Variants in PPM1L observed in about 807,000 individuals in gnomAD.
The protein encoded by PPM1L is protein phosphatase 1L.
Under a neutral mutation model 31.4 loss-of-function variants are expected in PPM1L, and 13 were observed. The observed-to-expected ratio is 0.41, with a 90% CI of 0.27 to 0.66. The LOEUF (loss-of-function observed/expected upper bound fraction) is 0.66. PPM1L is among the 30% of genes least tolerant of loss of function. The pLI is 0.29. For synonymous variants in PPM1L, 184 were observed against 175.4 expected, an observed-to-expected ratio of 1.05 and a Z score of -0.39; for missense variants, 326 against 453.7, an observed-to-expected ratio of 0.72 and a Z score of 2.56.
chr3:161,002,166 C>A (rs1388298176), intron 2 of PPM1L, among the ~76,000 whole-genome samples: 1 of 152,194 alleles, frequency 6.6e-6, no homozygotes, highest in Non-Finnish European at 1.5e-5. Flanking sequence ...ACGACGTGAA[C>A]TCATCATTTT....
At chr3:160,914,619 T>A (rs1714093126) in intron 1 of PPM1L, among the ~76,000 whole-genome samples, 1 of 152,126 alleles carries the variant, frequency 6.6e-6, no homozygotes, top group Non-Finnish European at 1.5e-5. Flanking sequence ...GGACATGAAC[T>A]CATCATTTTT....
chr3:160,842,075 A>G (rs915580526), intron 1 of PPM1L: 16 of 515,846 alleles, frequency 3.1e-5, no homozygotes, highest in African/African-American at 3.1e-4. Flanking sequence ...AGAGTTTATG[A>G]TGAGCCCCAG....
intron 1 of PPM1L, among the ~76,000 whole-genome samples, chr3:160,786,300 C>T (rs1711932799): frequency 6.9e-6 from 1 of 145,802 alleles, no homozygotes; most frequent in African/African-American, 2.5e-5. Flanking sequence ...TCACTGCAAC[C>T]TCTGCCTCTC....
At chr3:160,799,979 G>A (rs1712376067) in intron 1 of PPM1L, among the ~76,000 whole-genome samples, 1 of 152,062 alleles carries the variant, frequency 6.6e-6, no homozygotes. Context: ...TGTACCCTCA[G>A]TGCCTAGGAC....
intron 2 of PPM1L, among the ~76,000 whole-genome samples, chr3:161,059,377 C>T (rs561301368): frequency 5.3e-5 from 8 of 152,098 alleles, no homozygotes; most frequent in Non-Finnish European, 8.8e-5. Flanking sequence ...GGAGGGTCAT[C>T]GTGTTTTCAT....
rs559709235 is a variant in PPM1L, at chr3:160,849,667, G to A, written c.399+92960G>A. 3.6e-4 allele frequency among the ~76,000 whole-genome samples: 53 copies of A among 146,392 alleles called. 1 individual carries two copies. The South Asian group carries it at 8.7e-3, about 24-fold the overall frequency. ...TCTCGATCTCCTGACCTTGTGATCC[G>A]CCCGCCTCAGCCTCCCGAGTATCTG... On this transcript the variant is annotated intron_variant, in intron 1 of 3. Coordinates refer to ENST00000498165, the MANE Select transcript of PPM1L (RefSeq NM_139245.4).
At chr3:160,982,693 T>C (rs1261095355) in intron 2 of PPM1L, among the ~76,000 whole-genome samples, 1 of 152,150 alleles carries the variant, frequency 6.6e-6, no homozygotes, top group East Asian at 1.9e-4. Flanking sequence ...GCAGCAAAAA[T>C]GAGGAAGTCA....
chr3:160,989,668 T>G (rs971142353), intron 2 of PPM1L, among the ~76,000 whole-genome samples: 1 of 152,054 alleles, frequency 6.6e-6, no homozygotes, highest in African/African-American at 2.4e-5. Context: ...AGCCTATTTA[T>G]TAATTTTTAG....
At chr3:160,991,082 A>G (rs1161835247) in intron 2 of PPM1L, among the ~76,000 whole-genome samples, 1 of 149,936 alleles carries the variant, frequency 6.7e-6, no homozygotes, top group African/African-American at 2.4e-5. Flanking sequence ...GATGAGCTAA[A>G]AAAAAAAAAA....
At chr3:160,876,487 A>G (rs1274200248) in intron 1 of PPM1L, among the ~76,000 whole-genome samples, 1 of 152,210 alleles carries the variant, frequency 6.6e-6, no homozygotes, top group East Asian at 1.9e-4. Context: ...TAGATAATTT[A>G]TAGTAGAAAA....
At chr3:160,887,667 A>G (rs6799779) in intron 1 of PPM1L, among the ~76,000 whole-genome samples, 112,797 of 149,660 alleles carry the variant, frequency 0.75, 42,719 homozygotes, top group Middle Eastern at 0.84. Context: ...TGCAAGCTCC[A>G]CCTCCCAGGT....
intron 2 of PPM1L, among the ~76,000 whole-genome samples, chr3:161,005,231 T>C (rs910930766): frequency 6.6e-6 from 1 of 152,226 alleles, no homozygotes; most frequent in Non-Finnish European, 1.5e-5. Flanking sequence ...AGTGAGATTC[T>C]TAATCCTGAG....
chr3:160,852,459 T>G (rs1440527979), intron 1 of PPM1L, among the ~76,000 whole-genome samples: 1 of 152,170 alleles, frequency 6.6e-6, no homozygotes, highest in Non-Finnish European at 1.5e-5. Context: ...CTTTCCCCCT[T>G]TTTATTGTTT....
intron 1 of PPM1L, among the ~76,000 whole-genome samples, chr3:160,855,722 C>T (rs962892583): frequency 6.6e-6 from 1 of 151,980 alleles, no homozygotes; most frequent in Non-Finnish European, 1.5e-5. Context: ...CAGATGCTGG[C>T]GAGGTTGTGG....
intron 1 of PPM1L, among the ~76,000 whole-genome samples, chr3:160,808,357 A>G (rs1224068226): frequency 2.4e-5 from 3 of 126,442 alleles, no homozygotes. Context: ...GCTGGGCTTC[A>G]TAAGAGCTGC....
Position 161,076,715 on chromosome 3 carries a change from G to C in PPM1L, c.*7558G>C, listed in dbSNP as rs1390957030. 1 of 151,506 alleles carries C rather than the reference G, an allele frequency of 6.6e-6. No individual in the cohort carries two copies. Among genetic ancestry groups the C allele is most frequent in the Non-Finnish European group, 1.5e-5 (1 of 67,866 alleles). The allele number at this position is 151,506 out of a possible 1,614,324, so 9.4% of individuals were successfully genotyped here. On this transcript the variant is annotated 3_prime_UTR_variant, in exon 4 of 4. Transcript: ENST00000498165. Reference sequence around the variant, plus strand: ...CAGGAAAAAAAAAAAGAGAGAGAAAGACAAATAGAAATTTTAGTGGGTTCA... The same window carrying C: ...CAGGAAAAAAAAAAAGAGAGAGAAACACAAATAGAAATTTTAGTGGGTTCA...
intron 1 of PPM1L, among the ~76,000 whole-genome samples, chr3:160,845,640 T>G (rs1168361911): frequency 6.6e-6 from 1 of 152,072 alleles, no homozygotes; most frequent in East Asian, 1.9e-4. Flanking sequence ...GCTGATACAT[T>G]TAAGCCCTAT....
chr3:160,961,652 T>C (rs992224270), intron 1 of PPM1L, 84 bp from the exon 2 acceptor site: 1 of 1,238,374 alleles, frequency 8.1e-7, no homozygotes, highest in Admixed American at 3.1e-5. Context: ...CTTTGAGCTT[T>C]CTCTATAGCA....
At chr3:160,884,735 A>G (rs1712849142) in intron 1 of PPM1L, among the ~76,000 whole-genome samples, 1 of 152,210 alleles carries the variant, frequency 6.6e-6, no homozygotes, top group East Asian at 1.9e-4. Flanking sequence ...CAGGATTTCT[A>G]AATTATCTTC....
Sources: gnomAD v4.1 joint callset for allele counts (sites outside exome capture counted in the v4.1 genomes callset) on GRCh38, gnomAD v4.1.1 for gene constraint, MANE v1.5 for transcripts, NCBI Gene and HGNC (gene_info 2026-07-23, HGNC 2026-07-21) for gene names.